The following XKR9 variants were observed in gnomAD, a reference collection of about 807,000 sequenced individuals.
XKR9 encodes the protein XK-related protein 9.
A neutral mutation model predicts 32.0 loss-of-function variants in XKR9; 32 were observed. That is an observed-to-expected ratio of 1.00 (90% CI 0.76 to 1.34). The LOEUF is 1.34. Ranked by LOEUF, XKR9 falls within the 40% of genes most tolerant of loss-of-function variation. The pLI is 0.00. For synonymous variants in XKR9, 168 were observed against 143.4 expected (o/e 1.17, Z -1.22); for missense variants, 546 against 429.7 (o/e 1.27, Z -2.39).
At chr8:70,920,929 T>C in the XKR9 span, among the ~76,000 whole-genome samples, 2 of 152,148 alleles carry the variant, frequency 1.3e-5, no homozygotes, top group Non-Finnish European at 2.9e-5. Context: ...CGGGAAACCA[T>C]GGTATGAGAT....
chr8:70,738,354 T>G (rs77798329), downstream of XKR9, among the ~76,000 whole-genome samples: 1 of 139,636 alleles, frequency 7.2e-6, no homozygotes, highest in African/African-American at 2.6e-5. Context: ...TTTGATTCTT[T>G]TCTCTTTTCT....
the XKR9 span, among the ~76,000 whole-genome samples, chr8:70,945,487 T>G: frequency 6.6e-6 from 1 of 152,192 alleles, no homozygotes; most frequent in African/African-American, 2.4e-5. Flanking sequence ...TGCAAGATGC[T>G]GTAACTAAAT....
At position 70,771,355 on chromosome 8, in the gene XKR9, C is replaced by T. The variant is rs186182776; in HGVS notation, n.353-17984C>T. 5.3e-5 allele frequency among the ~76,000 whole-genome samples: 8 copies of T among 152,258 alleles called. 1 individual carries two copies. The highest frequency in any genetic ancestry group is 7.2e-5 in the African/African-American group (3 of 41,534). On this transcript the variant is annotated intron_variant and non_coding_transcript_variant, in intron 2 of 3. Coordinates refer to the XKR9 transcript ENST00000520273. ...GCTGCAGACTGGAGCTGTTCCTATT[C>T]GGCCATCTAGAAAGTTATTTTTACA...
At chr8:70,705,382 A>G (rs375591828) in intron 3 of XKR9, among the ~76,000 whole-genome samples, 2 of 152,214 alleles carry the variant, frequency 1.3e-5, no homozygotes, top group African/African-American at 4.8e-5. Context: ...GAAAAATAAT[A>G]TAGGGTAAAG....
At chr8:70,950,470 C>A in the XKR9 span, among the ~76,000 whole-genome samples, 1 of 151,914 alleles carries the variant, frequency 6.6e-6, no homozygotes, top group African/African-American at 2.4e-5. Flanking sequence ...CGGCTCTGGG[C>A]AGAGCATGGT....
At chr8:70,864,403 T>C in the XKR9 span, among the ~76,000 whole-genome samples, 2 of 152,186 alleles carry the variant, frequency 1.3e-5, no homozygotes, top group African/African-American at 4.8e-5. Flanking sequence ...TCTATGAGCA[T>C]TGTATTATAG....
At chr8:70,812,365 T>C in the XKR9 span, among the ~76,000 whole-genome samples, 5 of 152,232 alleles carry the variant, frequency 3.3e-5, no homozygotes, top group African/African-American at 9.6e-5. Flanking sequence ...GGAAGCTTTC[T>C]CTTTGAAAAC....
At chr8:71,020,312 A>G in the XKR9 span, among the ~76,000 whole-genome samples, 1 of 152,222 alleles carries the variant, frequency 6.6e-6, no homozygotes, top group African/African-American at 2.4e-5. Flanking sequence ...TGTATTAGAA[A>G]AACTGTTCCA....
chr8:70,685,059 A>G (rs1260360444), intron 3 of XKR9, among the ~76,000 whole-genome samples: 2 of 150,592 alleles, frequency 1.3e-5, no homozygotes, highest in Middle Eastern at 3.4e-3. Flanking sequence ...TGTTGATTGC[A>G]GCACTATTCA....
chr8:70,888,717 T>C, the XKR9 span, among the ~76,000 whole-genome samples: 1 of 152,042 alleles, frequency 6.6e-6, no homozygotes, highest in Non-Finnish European at 1.5e-5. Flanking sequence ...GGATGTTCAT[T>C]CCCTAATAAA....
At chr8:70,917,180 T>C in the XKR9 span, among the ~76,000 whole-genome samples, 6 of 152,178 alleles carry the variant, frequency 3.9e-5, no homozygotes, top group Non-Finnish European at 8.8e-5. Flanking sequence ...TTTACCTAGA[T>C]TGTCTTCCCA....
chr8:70,799,402 A>T, the XKR9 span, among the ~76,000 whole-genome samples: 1 of 152,218 alleles, frequency 6.6e-6, no homozygotes, highest in East Asian at 1.9e-4. Flanking sequence ...GCGATCACGG[A>T]TCACTGCAAC....
chr8:70,992,228 TTAAG>T, the XKR9 span, among the ~76,000 whole-genome samples: 4 of 152,206 alleles, frequency 2.6e-5, no homozygotes, highest in African/African-American at 7.2e-5. Context: ...GAACCATACA[TTAAG>T]TGAGTAAAGC....
chr8:70,803,548 T>G, the XKR9 span, among the ~76,000 whole-genome samples: 1 of 152,174 alleles, frequency 6.6e-6, no homozygotes, highest in Non-Finnish European at 1.5e-5. Flanking sequence ...TTTGCACTGG[T>G]TATTTCTCAT....
intron 4 of XKR9, among the ~76,000 whole-genome samples, chr8:70,722,811 C>T (rs1430318622): frequency 2.0e-5 from 3 of 151,972 alleles, no homozygotes; most frequent in Non-Finnish European, 2.9e-5. Context: ...TAGGGGTATA[C>T]TCTGTATTTC....
the XKR9 span, among the ~76,000 whole-genome samples, chr8:70,841,618 C>A: frequency 2.0e-5 from 3 of 152,194 alleles, no homozygotes; most frequent in Admixed American, 2.0e-4. Context: ...ATTCTCCAGT[C>A]TTCCCTCACA....
At chr8:70,681,670 T>C (rs1819088921) in intron 3 of XKR9, among the ~76,000 whole-genome samples, 1 of 152,140 alleles carries the variant, frequency 6.6e-6, no homozygotes, top group Admixed American at 6.6e-5. Flanking sequence ...CACTTGTAAC[T>C]GAGAGAGTAC....
At chr8:70,889,139 T>C in the XKR9 span, among the ~76,000 whole-genome samples, 3 of 151,956 alleles carry the variant, frequency 2.0e-5, no homozygotes, top group Non-Finnish European at 4.4e-5. Flanking sequence ...CAGTGTTTTA[T>C]AGATTTTGTT....
intron 3 of XKR9, among the ~76,000 whole-genome samples, chr8:70,685,097 A>C (rs575257083): frequency 6.6e-6 from 1 of 151,618 alleles, no homozygotes; most frequent in Non-Finnish European, 1.5e-5. Flanking sequence ...AACCAACCCA[A>C]ATGTCCAACA....
Sources: allele counts gnomAD v4.1 joint callset (sites outside exome capture counted in the v4.1 genomes callset), GRCh38; gene constraint gnomAD v4.1.1; transcripts MANE v1.5; gene names NCBI Gene and HGNC (gene_info 2026-07-23, HGNC 2026-07-21).